PAPPA2: variants seen among roughly 807,000 people sequenced by gnomAD.
The protein encoded by PAPPA2 is pappalysin-2.
In PAPPA2, 86 loss-of-function variants were observed where a neutral mutation model predicts 176.4. That is an observed-to-expected ratio of 0.49 (90% CI 0.41 to 0.58). PAPPA2 has a LOEUF of 0.58. Among genes scored for constraint, PAPPA2 ranks in the 20% least tolerant of loss-of-function variants. The pLI is 0.00. For missense variants in PAPPA2, 2,073 were observed against 2,256.9 expected (o/e 0.92, Z 1.65); for synonymous variants, 809 against 852.2 (o/e 0.95, Z 0.88).
chr1:176,584,967 T>C (rs1017134144), intron 2 of PAPPA2, among the ~76,000 whole-genome samples: 2 of 152,182 alleles, frequency 1.3e-5, no homozygotes, highest in Admixed American at 1.3e-4. Context: ...CTTAAACTCC[T>C]GACCTTGTAA....
intron 1 of PAPPA2, among the ~76,000 whole-genome samples, chr1:176,536,985 G>C (rs1650098463): frequency 6.6e-6 from 1 of 152,146 alleles, no homozygotes; most frequent in Non-Finnish European, 1.5e-5. Context: ...CTGAGGCTTA[G>C]GGCATAGACA....
At chr1:176,826,504 G>A (rs562734443) in intron 21 of PAPPA2, among the ~76,000 whole-genome samples, 1 of 152,296 alleles carries the variant, frequency 6.6e-6, no homozygotes, top group South Asian at 2.1e-4. Context: ...AGTGAGACTG[G>A]ATGGACCAAC....
intron 21 of PAPPA2, among the ~76,000 whole-genome samples, chr1:176,829,292 A>T (rs1001310213): frequency 6.6e-6 from 1 of 151,620 alleles, no homozygotes; most frequent in African/African-American, 2.4e-5. Context: ...GAATGGGGAA[A>T]AAAAAAAAGA....
intron 3 of PAPPA2, among the ~76,000 whole-genome samples, chr1:176,656,431 T>C (rs1031849171): frequency 6.6e-6 from 1 of 151,760 alleles, no homozygotes; most frequent in Non-Finnish European, 1.5e-5. Flanking sequence ...CAACTCTTTG[T>C]ATGGTGACTA....
chr1:176,604,971 C>T lies in PAPPA2; in HGVS notation c.1991+9376C>T, dbSNP rs566737160. Among the ~76,000 whole-genome samples the T allele has an allele frequency of 1.1e-4, 17 of 152,134 alleles. No individual in the cohort carries two copies. In the South Asian group the frequency reaches 2.9e-3, roughly 26 times the overall value. On this transcript the variant is annotated intron_variant, in intron 3 of 22. Coordinates refer to ENST00000367662, the MANE Select transcript of PAPPA2 (RefSeq NM_020318.3). The stretch of plus-strand genomic sequence containing the variant: ...TCTACTGGTCTCATTGCTATGGTAG[C>T]GTTGCCCCATTTAGATCTAGTAAGT...
intron 1 of PAPPA2, among the ~76,000 whole-genome samples, chr1:176,502,374 C>T (rs1045723244): frequency 5.9e-5 from 9 of 152,138 alleles, no homozygotes; most frequent in African/African-American, 2.2e-4. Flanking sequence ...GTATTCTCAG[C>T]ATTTCTGATG....
intron 3 of PAPPA2, among the ~76,000 whole-genome samples, chr1:176,658,722 C>T (rs951063440): frequency 2.0e-5 from 3 of 152,108 alleles, no homozygotes; most frequent in East Asian, 3.9e-4. Flanking sequence ...TCCACTAATT[C>T]AATCAATGCT....
intron 12 of PAPPA2, among the ~76,000 whole-genome samples, chr1:176,718,880 A>G (rs1661491427): frequency 6.6e-6 from 1 of 151,988 alleles, no homozygotes; most frequent in Non-Finnish European, 1.5e-5. Context: ...AAAGCATTCC[A>G]TATATTTAAA....
chr1:176,643,433 A>T (rs1241166364), intron 3 of PAPPA2, among the ~76,000 whole-genome samples: 16 of 147,494 alleles, frequency 1.1e-4, no homozygotes, highest in Middle Eastern at 3.5e-3. Context: ...TTTTTTTTTT[A>T]AATGCTTTAA....
chr1:176,652,138 CA>C (rs1657760457), intron 3 of PAPPA2, among the ~76,000 whole-genome samples: 1 of 151,386 alleles, frequency 6.6e-6, no homozygotes, highest in African/African-American at 2.4e-5. Flanking sequence ...TCATTAGGGT[CA>C]GTCACTGGTT....
chr1:176,537,635 T>G (rs1224641349), intron 1 of PAPPA2, among the ~76,000 whole-genome samples: 1 of 152,114 alleles, frequency 6.6e-6, no homozygotes, highest in Non-Finnish European at 1.5e-5. Flanking sequence ...CCTTCTTTGT[T>G]GAGCAGTTAA....
intron 12 of PAPPA2, among the ~76,000 whole-genome samples, chr1:176,736,351 G>A (rs1247690994): frequency 6.6e-6 from 1 of 151,328 alleles, no homozygotes; most frequent in African/African-American, 2.4e-5. Flanking sequence ...TATATAAAAT[G>A]TATTTCTTTT....
chr1:176,790,066 A>G (rs2076335), intron 18 of PAPPA2, 89 bp downstream of exon 18: 83,942 of 1,463,594 alleles, frequency 0.057, 3,209 homozygotes, highest in South Asian at 0.15. Flanking sequence ...AAATTTCTAA[A>G]GAATTCCAAC....
At chr1:176,719,068 C>A (rs1661502007) in intron 12 of PAPPA2, among the ~76,000 whole-genome samples, 1 of 151,998 alleles carries the variant, frequency 6.6e-6, no homozygotes, top group African/African-American at 2.4e-5. Flanking sequence ...ATTTTTGAGA[C>A]ATTTAGAGGC....
intron 8 of PAPPA2, 48 bp downstream of exon 8, chr1:176,699,637 G>C: frequency 6.5e-7 from 1 of 1,533,684 alleles, no homozygotes; most frequent in Non-Finnish European, 8.8e-7. Context: ...TCTGGGGGTG[G>C]GTTTTGTTAC....
intron 21 of PAPPA2, among the ~76,000 whole-genome samples, chr1:176,821,077 A>G (rs1044542781): frequency 2.0e-5 from 3 of 152,140 alleles, no homozygotes; most frequent in Non-Finnish European, 2.9e-5. Context: ...CTTCTTCTCA[A>G]CTTACACCAT....
At chr1:176,640,453 C>T (rs1311346174) in intron 3 of PAPPA2, among the ~76,000 whole-genome samples, 12 of 148,520 alleles carry the variant, frequency 8.1e-5, no homozygotes, top group Non-Finnish European at 1.5e-4. Flanking sequence ...TTTGGTTTTT[C>T]GTTCTTGCGA....
intron 17 of PAPPA2, among the ~76,000 whole-genome samples, chr1:176,783,804 A>G (rs192229461): frequency 7.2e-5 from 11 of 152,348 alleles, no homozygotes; most frequent in Admixed American, 5.2e-4. Flanking sequence ...ACACCTTACT[A>G]GCATGAGAAG....
intron 12 of PAPPA2, among the ~76,000 whole-genome samples, chr1:176,729,691 G>T (rs1284792070): frequency 6.6e-6 from 1 of 152,038 alleles, no homozygotes; most frequent in Non-Finnish European, 1.5e-5. Flanking sequence ...CTCGTTATTT[G>T]TGTGCCATTG....
Sources: gnomAD v4.1 joint callset for allele counts (sites outside exome capture counted in the v4.1 genomes callset) on GRCh38, gnomAD v4.1.1 for gene constraint, MANE v1.5 for transcripts, NCBI Gene and HGNC (gene_info 2026-07-23, HGNC 2026-07-21) for gene names.